CCDC7: variants seen among roughly 807,000 people sequenced by gnomAD.
CCDC7 encodes coiled-coil domain containing 7.
In CCDC7, 183 loss-of-function variants were observed where a neutral mutation model predicts 196.9. The observed-to-expected ratio is 0.93, with a 90% CI of 0.82 to 1.05. The LOEUF (loss-of-function observed/expected upper bound fraction) is 1.05. CCDC7 is among the 50% of genes least tolerant of loss of function. CCDC7 has a pLI of 0.00. For synonymous variants in CCDC7, 525 were observed against 484.6 expected (o/e 1.08, Z -1.10); for missense variants, 1,540 against 1,482.2 (o/e 1.04, Z -0.64).
chr10:32,640,496 T>C (rs192534338), intron 20 of CCDC7, among the ~76,000 whole-genome samples: 80 of 152,354 alleles, frequency 5.3e-4, no homozygotes, highest in African/African-American at 1.8e-3. Context: ...TTGGAGCTTT[T>C]AGCCTATTTA....
chr10:32,761,474 G>A (rs2077458012), intron 28 of CCDC7, among the ~76,000 whole-genome samples: 1 of 151,982 alleles, frequency 6.6e-6, no homozygotes, highest in African/African-American at 2.4e-5. Context: ...AAAGTAATGA[G>A]TGTAATGAGA....
intron 19 of CCDC7, 81 bp downstream of exon 20, chr10:32,634,445 G>A (rs1332333001): frequency 9.6e-6 from 5 of 519,890 alleles, no homozygotes; most frequent in African/African-American, 2.0e-5. Flanking sequence ...CACCCAGGCT[G>A]GAGTGCAGTG....
At chr10:32,845,705 G>T (rs2093247138) in intron 35 of CCDC7, 79 bp downstream of exon 36, 1 of 1,308,652 alleles carries the variant, frequency 7.6e-7, no homozygotes. Flanking sequence ...GACATTTAAT[G>T]GCAATAGTAC....
At chr10:32,788,101 C>T (rs549660158) in intron 29 of CCDC7, among the ~76,000 whole-genome samples, 164 of 152,310 alleles carry the variant, frequency 1.1e-3, no homozygotes, top group Admixed American at 1.9e-3. Context: ...TGAGCTTGCC[C>T]CATAGACTCA....
chr10:32,684,874 C>T (rs1188070548), intron 21 of CCDC7, among the ~76,000 whole-genome samples: 1 of 152,070 alleles, frequency 6.6e-6, no homozygotes, highest in Non-Finnish European at 1.5e-5. Flanking sequence ...TGATGATTTA[C>T]CTGTATGAGT....
At chr10:32,675,555 T>C (rs1171222159) in intron 21 of CCDC7, 1 of 152,316 alleles carries the variant, frequency 6.6e-6, no homozygotes, top group Non-Finnish European at 1.5e-5. Flanking sequence ...TGTACCACTA[T>C]TACAGTATTA....
intron 9 of CCDC7, among the ~76,000 whole-genome samples, chr10:32,504,867 C>T (rs535472739): frequency 8.5e-5 from 13 of 152,242 alleles, no homozygotes; most frequent in South Asian, 6.2e-4. Context: ...TCAAGGAGAA[C>T]GTATGTTCTG....
intron 13 of CCDC7, among the ~76,000 whole-genome samples, chr10:32,563,328 G>A (rs1011433776): frequency 1.3e-5 from 2 of 152,130 alleles, no homozygotes; most frequent in Non-Finnish European, 2.9e-5. Context: ...CCAAAAAAGA[G>A]CCCGCATTGC....
At chr10:32,832,835 A>G (rs1176651431) in intron 32 of CCDC7, among the ~76,000 whole-genome samples, 2 of 152,092 alleles carry the variant, frequency 1.3e-5, no homozygotes, top group African/African-American at 4.8e-5. Context: ...GGTACCATAT[A>G]TAGATATATA....
intron 30 of CCDC7, among the ~76,000 whole-genome samples, chr10:32,813,169 G>A (rs2087558679): frequency 1.3e-5 from 2 of 152,282 alleles, no homozygotes; most frequent in African/African-American, 2.4e-5. Context: ...TCCAACCATA[G>A]TTATATACTC....
intron 18 of CCDC7, among the ~76,000 whole-genome samples, chr10:32,596,931 C>T (rs550598890): frequency 4.6e-5 from 7 of 152,236 alleles, no homozygotes; most frequent in African/African-American, 1.4e-4. Context: ...GTGGGTAACC[C>T]GACCTTTCTG....
upstream of CCDC7, chr10:32,446,038 T>C (rs1463609723): frequency 3.3e-5 from 5 of 152,148 alleles, no homozygotes; most frequent in African/African-American, 1.2e-4. Flanking sequence ...GCCGCCAAAC[T>C]GCGTCTCCTC....
At chr10:32,623,377 G>A (rs2063615731) in intron 18 of CCDC7, among the ~76,000 whole-genome samples, 1 of 152,092 alleles carries the variant, frequency 6.6e-6, no homozygotes, top group Admixed American at 6.5e-5. Context: ...ACCTGATTAT[G>A]TGAGCTTCAT....
chr10:32,792,273 G>T (rs1401570981), intron 29 of CCDC7, among the ~76,000 whole-genome samples: 2 of 152,142 alleles, frequency 1.3e-5, no homozygotes, highest in African/African-American at 4.8e-5. Context: ...CTCATCATGG[G>T]TAGAGATAAA....
exon 6 of CCDC7, chr10:32,471,147 G>C: frequency 1.2e-6 from 2 of 1,612,788 alleles, no homozygotes; most frequent in Non-Finnish European, 1.7e-6. Flanking sequence ...AAATAGTAAG[G>C]CTTGTACAAA....
intron 20 of CCDC7, among the ~76,000 whole-genome samples, chr10:32,641,780 G>A (rs1003416283): frequency 6.6e-6 from 1 of 152,142 alleles, no homozygotes; most frequent in Non-Finnish European, 1.5e-5. Flanking sequence ...CATCTTCGTG[G>A]TTTTATCTAC....
intron 30 of CCDC7, among the ~76,000 whole-genome samples, chr10:32,810,470 C>G (rs2086841225): frequency 6.6e-6 from 1 of 151,862 alleles, no homozygotes; most frequent in Non-Finnish European, 1.5e-5. Context: ...AGAGGATATA[C>G]CAATTTTAAA....
chr10:32,686,344 G>T (rs1284879374), intron 22 of CCDC7, among the ~76,000 whole-genome samples: 1 of 152,200 alleles, frequency 6.6e-6, no homozygotes, highest in Non-Finnish European at 1.5e-5. Context: ...CTTTCAAAGA[G>T]TGTGTACCTT....
At chr10:32,514,775 C>T (rs1466389178) in intron 9 of CCDC7, among the ~76,000 whole-genome samples, 1 of 152,134 alleles carries the variant, frequency 6.6e-6, no homozygotes. Context: ...TAAAGAACAC[C>T]TACAGAAATG....
Sources: allele counts gnomAD v4.1 joint callset (sites outside exome capture counted in the v4.1 genomes callset), GRCh38; gene constraint gnomAD v4.1.1; transcripts MANE v1.5; gene names NCBI Gene and HGNC (gene_info 2026-07-23, HGNC 2026-07-21).